The following UBE3D variants were observed in gnomAD, a reference collection of about 807,000 sequenced individuals.
UBE3D encodes the protein ubiquitin protein ligase E3D.
In UBE3D, 48 loss-of-function variants were observed where a neutral mutation model predicts 49.6. That is an observed-to-expected ratio of 0.97 (90% confidence interval 0.77 to 1.23). The LOEUF is 1.23. Ranked by LOEUF, UBE3D falls within the 50% of genes most tolerant of loss-of-function variation. The pLI, the probability that UBE3D is intolerant of heterozygous loss-of-function variation, is 0.00. For synonymous variants in UBE3D, 189 were observed against 174.2 expected (o/e 1.08, Z -0.67); for missense variants, 452 against 468.4 (o/e 0.96, Z 0.32).
intron 9 of UBE3D, among the ~76,000 whole-genome samples, chr6:82,943,067 A>G (rs951699641): frequency 2.0e-5 from 3 of 152,254 alleles, no homozygotes; most frequent in African/African-American, 4.8e-5. Flanking sequence ...TTGCCTCAGC[A>G]TGACCTGAAT....
chr6:82,950,767 C>T (rs1322949935), intron 9 of UBE3D, among the ~76,000 whole-genome samples: 2 of 152,142 alleles, frequency 1.3e-5, no homozygotes, highest in Non-Finnish European at 2.9e-5. Flanking sequence ...GAATACTTGT[C>T]AGCCATAAAA....
chr6:82,952,657 C>G (rs1775885590), intron 9 of UBE3D, among the ~76,000 whole-genome samples: 2 of 152,068 alleles, frequency 1.3e-5, no homozygotes, highest in African/African-American at 4.8e-5. Context: ...CTCCTAGGCT[C>G]TAGTGATCCT....
intron 9 of UBE3D, among the ~76,000 whole-genome samples, chr6:82,931,103 A>C (rs1774113458): frequency 6.6e-6 from 1 of 152,218 alleles, no homozygotes; most frequent in African/African-American, 2.4e-5. Flanking sequence ...GGTACAGCTC[A>C]GGTTGTGGCT....
chr6:83,065,576 C>G (rs973950621), intron 1 of UBE3D, 66 bp downstream of exon 1: 10 of 1,500,554 alleles, frequency 6.7e-6, no homozygotes, highest in Non-Finnish European at 9.2e-6. Flanking sequence ...GAGAGACTCA[C>G]CAGCCCCCGA....
At chr6:83,030,379 C>G (rs1305582571) in intron 5 of UBE3D, among the ~76,000 whole-genome samples, 1 of 152,094 alleles carries the variant, frequency 6.6e-6, no homozygotes, top group African/African-American at 2.4e-5. Context: ...GAATAAGTCT[C>G]ATGAGATCTG....
intron 2 of UBE3D, among the ~76,000 whole-genome samples, chr6:83,056,870 C>T (rs1783848748): frequency 6.6e-6 from 1 of 152,172 alleles, no homozygotes; most frequent in Non-Finnish European, 1.5e-5. Context: ...TACAATCTTT[C>T]TCTGATAATA....
chr6:83,004,491 T>G (rs1244977540), intron 8 of UBE3D, among the ~76,000 whole-genome samples: 1 of 152,176 alleles, frequency 6.6e-6, no homozygotes. Flanking sequence ...GAAGTTTAAG[T>G]ATATCCCACA....
intron 7 of UBE3D, among the ~76,000 whole-genome samples, chr6:83,019,876 C>G (rs1397943287): frequency 1.3e-5 from 2 of 152,024 alleles, no homozygotes; most frequent in African/African-American, 2.4e-5. Flanking sequence ...AGCGGGCTGA[C>G]CAAGAAGGGG....
At chr6:82,941,877 T>A (rs1051090849) in intron 9 of UBE3D, among the ~76,000 whole-genome samples, 1 of 152,226 alleles carries the variant, frequency 6.6e-6, no homozygotes, top group Non-Finnish European at 1.5e-5. Flanking sequence ...AACTGTGAGT[T>A]AATTAAATCT....
At chr6:82,894,465 C>T (rs1433994801) in intron 9 of UBE3D, among the ~76,000 whole-genome samples, 1 of 152,078 alleles carries the variant, frequency 6.6e-6, no homozygotes, top group Non-Finnish European at 1.5e-5. Flanking sequence ...ACCCCTCCCA[C>T]CCATACCTAT....
At chr6:83,049,735 T>C in intron 3 of UBE3D, 1 of 471,034 alleles carries the variant, frequency 2.1e-6, no homozygotes, top group South Asian at 1.5e-5. Flanking sequence ...GGGCGAACCA[T>C]CCAGAGACCT....
chr6:82,911,219 A>AAC (rs1554183179), intron 9 of UBE3D, among the ~76,000 whole-genome samples: 49 of 149,776 alleles, frequency 3.3e-4, no homozygotes, highest in African/African-American at 1.2e-3. Context: ...AAAAAAAAAA[A>AAC]AAAACTCAGG....
At chr6:82,925,461 C>CT (rs1773678315) in intron 9 of UBE3D, among the ~76,000 whole-genome samples, 1 of 152,144 alleles carries the variant, frequency 6.6e-6, no homozygotes, top group Non-Finnish European at 1.5e-5. Flanking sequence ...TGATGAGACT[C>CT]TATGATTAGA....
intron 7 of UBE3D, among the ~76,000 whole-genome samples, chr6:83,021,134 AAAC>A (rs1254092108): frequency 6.6e-6 from 1 of 152,336 alleles, no homozygotes; most frequent in East Asian, 1.9e-4. Context: ...AGGCAATTAA[AAAC>A]AACAGAAGAA....
At chr6:82,887,080 G>A in the UBE3D span, among the ~76,000 whole-genome samples, 1 of 151,890 alleles carries the variant, frequency 6.6e-6, no homozygotes, top group Non-Finnish European at 1.5e-5. Flanking sequence ...AAGGCGGGTG[G>A]ACCACTTGAG....
intron 3 of UBE3D, among the ~76,000 whole-genome samples, chr6:83,047,271 A>T (rs1168099231): frequency 1.3e-5 from 2 of 152,222 alleles, no homozygotes; most frequent in Non-Finnish European, 2.9e-5. Context: ...GCTTACGGTA[A>T]AAATGATCCT....
At chr6:82,921,413 T>C (rs12212757) in intron 9 of UBE3D, among the ~76,000 whole-genome samples, 5,408 of 152,280 alleles carry the variant, frequency 0.036, 131 homozygotes, top group Non-Finnish European at 0.053. Flanking sequence ...CTTGTGCTTG[T>C]GCTTTAAACC....
chr6:82,971,653 G>C (rs1443958694), intron 8 of UBE3D, among the ~76,000 whole-genome samples: 2 of 151,980 alleles, frequency 1.3e-5, no homozygotes, highest in Non-Finnish European at 2.9e-5. Context: ...GGAATTCCTA[G>C]CCTCAAGTGA....
At chr6:83,039,919 C>T (rs1479548590) in intron 4 of UBE3D, among the ~76,000 whole-genome samples, 5 of 151,992 alleles carry the variant, frequency 3.3e-5, no homozygotes, top group African/African-American at 1.2e-4. Context: ...GGACTATAGG[C>T]GTGAGCCACC....
Sources: gnomAD v4.1 joint callset for allele counts (sites outside exome capture counted in the v4.1 genomes callset) on GRCh38, gnomAD v4.1.1 for gene constraint, MANE v1.5 for transcripts, NCBI Gene and HGNC (gene_info 2026-07-23, HGNC 2026-07-21) for gene names.